COG5: variants seen among roughly 807,000 people sequenced by gnomAD.
COG5 encodes component of oligomeric golgi complex 5.
A neutral mutation model predicts 110.4 loss-of-function variants in COG5; 86 were observed. That is an observed-to-expected ratio of 0.78 (90% CI 0.65 to 0.93). The LOEUF (loss-of-function observed/expected upper bound fraction) is 0.93. Among genes scored for constraint, COG5 ranks in the 40% least tolerant of loss-of-function variants. The pLI is 0.00. For synonymous variants in COG5, 360 were observed against 334.6 expected (o/e 1.08, Z -0.83); for missense variants, 1,077 against 987.0 (o/e 1.09, Z -1.22).
Position 107,298,216 on chromosome 7 carries a change from T to A in COG5, c.1239A>T (p.Thr413=). 6.2e-7 allele frequency: 1 copy of A among 1,613,802 alleles called. No individual in the cohort carries two copies. The highest frequency in any genetic ancestry group is 8.5e-7 in the Non-Finnish European group (1 of 1,179,798). Residue 413 remains threonine, a synonymous_variant, in exon 12 of 22, where the codon ACA becomes ACT. Coordinates refer to ENST00000297135, the MANE Select transcript of COG5 (RefSeq NM_006348.5). ...IQGNFNASGT[T]DLYVDLQHME... is the part of the protein sequence containing the mutation. ...TGTGTTGTAGGTCAACATAGAGGTC[T>A]GTAGTTCCACTTGCATTAAAATTCC... is the stretch of plus-strand genomic sequence containing the variant.
intron 6 of COG5, among the ~76,000 whole-genome samples, chr7:107,525,168 C>T (rs1250279663): frequency 1.3e-5 from 2 of 151,872 alleles, no homozygotes; most frequent in African/African-American, 2.4e-5. Context: ...CCTCATGATC[C>T]GCCCGCCTCA....
In COG5 at chr7:107,201,601, C is replaced by T; in HGVS notation, c.*1915G>A. On this transcript the variant is annotated 3_prime_UTR_variant, in exon 22 of 22. Transcript: ENST00000297135. Reference sequence around the variant, plus strand: ...TAATATGAGTGAGGATTTGCTTTCTCCATTAGAGCATTAAGCTAAAACTAT... The same window carrying T: ...TAATATGAGTGAGGATTTGCTTTCTTCATTAGAGCATTAAGCTAAAACTAT... The T allele has an allele frequency of 2.2e-6, 1 of 450,982 alleles. No individual in the cohort carries two copies. Among genetic ancestry groups the T allele is most frequent in the Non-Finnish European group, 4.1e-6 (1 of 246,672 alleles). 27.9% of individuals were successfully genotyped at this position (450,982 alleles called of 1,614,324 possible).
At chr7:107,501,790 T>C (rs1429136103) in intron 6 of COG5, among the ~76,000 whole-genome samples, 3 of 152,160 alleles carry the variant, frequency 2.0e-5, no homozygotes, top group Non-Finnish European at 4.4e-5. Context: ...CCCCATCTGG[T>C]GGTGGCTGAA....
At chr7:107,238,166 T>A (rs1056942306) in intron 17 of COG5, among the ~76,000 whole-genome samples, 1 of 152,138 alleles carries the variant, frequency 6.6e-6, no homozygotes, top group East Asian at 1.9e-4. Flanking sequence ...CTCCACCCCA[T>A]AGCTGCTAAC....
intron 6 of COG5, among the ~76,000 whole-genome samples, chr7:107,523,820 AG>A (rs1800522194): frequency 6.6e-6 from 1 of 151,922 alleles, no homozygotes; most frequent in African/African-American, 2.4e-5. Flanking sequence ...TGTCTCAAAA[AG>A]AAAAAAAAAA....
At chr7:107,471,424 T>G (rs1432348088) in intron 6 of COG5, 1 of 152,036 alleles carries the variant, frequency 6.6e-6, no homozygotes, top group East Asian at 1.9e-4. Context: ...AGAATGCAAT[T>G]GACTGAGCAT....
In COG5 at chr7:107,250,280, A is replaced by G. The variant is rs146937713; in HGVS notation, c.1750-1781T>C. Among the ~76,000 whole-genome samples the G allele has an allele frequency of 1.4e-4, 21 of 152,278 alleles. No homozygotes were observed. In the East Asian group the frequency reaches 3.9e-3, roughly 28 times the overall value. On this transcript the variant is annotated intron_variant, in intron 16 of 21. Transcript: ENST00000297135. ...ACTCGGCACGAGTCTTCAGCTAACT[A>G]TCAGTAATGCATGTGCAGAGCAAAC...
Position 107,462,611 on chromosome 7 carries a change from T to TAAAAA in COG5, c.539-49984_539-49980dup, listed in dbSNP as rs370588173. Among the ~76,000 whole-genome samples the TAAAAA allele has an allele frequency of 8.0e-5, 9 of 112,102 alleles. 1 individual carries two copies. The highest frequency in any genetic ancestry group is 1.9e-4 in the Admixed American group (2 of 10,660). The allele number at this position is 112,102 out of a possible 152,430, so 73.5% of individuals were successfully genotyped here. ...TTAGAACTAGGAGAAGAAAAATGCC[T>TAAAAA]AAAAAAAAAAAAAAAAAAACTTTAG... On this transcript the variant is annotated intron_variant, in intron 6 of 21. Coordinates refer to ENST00000297135, the MANE Select transcript of COG5 (RefSeq NM_006348.5).
intron 14 of COG5, among the ~76,000 whole-genome samples, chr7:107,266,880 A>G (rs1259564147): frequency 6.6e-6 from 1 of 152,186 alleles, no homozygotes; most frequent in African/African-American, 2.4e-5. Context: ...AAATTTATCA[A>G]ATATTTGACA....
intron 19 of COG5, among the ~76,000 whole-genome samples, chr7:107,216,342 T>C (rs1403167008): frequency 6.6e-6 from 1 of 152,212 alleles, no homozygotes; most frequent in Non-Finnish European, 1.5e-5. Flanking sequence ...CGGCAGATCA[T>C]CCAGATAGAA....
At chr7:107,364,059 G>C (rs187653815) in intron 8 of COG5, among the ~76,000 whole-genome samples, 1 of 152,052 alleles carries the variant, frequency 6.6e-6, no homozygotes, top group Non-Finnish European at 1.5e-5. Context: ...GTATTACAAG[G>C]AGCACTCTGG....
At chr7:107,404,633 G>A (rs1791676015) in intron 7 of COG5, among the ~76,000 whole-genome samples, 1 of 152,132 alleles carries the variant, frequency 6.6e-6, no homozygotes, top group Non-Finnish European at 1.5e-5. Flanking sequence ...GAGAACATAT[G>A]AGGAGAGTAG....
At chr7:107,384,313 G>T (rs1003575773) in intron 7 of COG5, among the ~76,000 whole-genome samples, 2 of 152,090 alleles carry the variant, frequency 1.3e-5, no homozygotes, top group Admixed American at 1.3e-4. Flanking sequence ...TTCTTTAGAG[G>T]GGGGAATGAA....
chr7:107,531,122 C>T (rs1471685743), intron 5 of COG5, among the ~76,000 whole-genome samples: 1 of 152,008 alleles, frequency 6.6e-6, no homozygotes, highest in African/African-American at 2.4e-5. Context: ...TGTTCTCTCA[C>T]CTTCTCTTTT....
intron 14 of COG5, among the ~76,000 whole-genome samples, chr7:107,271,618 A>G (rs1192031500): frequency 6.6e-6 from 1 of 152,118 alleles, no homozygotes. Context: ...TAGCTGGTAG[A>G]TAGAAATAGT....
chr7:107,492,168 A>AGTGTGTGTGTGTGTGTGTGTGTGT (rs61526384), intron 6 of COG5, among the ~76,000 whole-genome samples: 39 of 141,734 alleles, frequency 2.8e-4, no homozygotes, highest in Non-Finnish European at 5.3e-4. Flanking sequence ...AACAATGGGT[A>AGTGTGTGTGTGTGTGTGTGTGTGT]GTGTGTGTGT....
intron 12 of COG5, among the ~76,000 whole-genome samples, chr7:107,293,032 G>C (rs895305395): frequency 6.6e-6 from 1 of 152,048 alleles, no homozygotes; most frequent in Admixed American, 6.6e-5. Flanking sequence ...CTTGTTATTG[G>C]GCAGCAAGAA....
At chr7:107,300,367 G>A (rs1005839762) in intron 11 of COG5, among the ~76,000 whole-genome samples, 1 of 152,048 alleles carries the variant, frequency 6.6e-6, no homozygotes, top group Non-Finnish European at 1.5e-5. Flanking sequence ...AAGACATTCA[G>A]ACTGGAAAGG....
chr7:107,241,255 T>C (rs1374310503), intron 17 of COG5, among the ~76,000 whole-genome samples: 1 of 152,110 alleles, frequency 6.6e-6, no homozygotes, highest in African/African-American at 2.4e-5. Flanking sequence ...TTGATCTAAC[T>C]GGGACACTTC....
Sources: allele counts gnomAD v4.1 joint callset (sites outside exome capture counted in the v4.1 genomes callset), GRCh38; gene constraint gnomAD v4.1.1; transcripts MANE v1.5; gene names NCBI Gene and HGNC (gene_info 2026-07-23, HGNC 2026-07-21).